The following FOXN3 variants were observed in gnomAD, a reference collection of about 807,000 sequenced individuals.
FOXN3 encodes the protein forkhead box protein N3.
Under a neutral mutation model 38.4 loss-of-function variants are expected in FOXN3, and 7 were observed. That is an observed-to-expected ratio of 0.18 (90% CI 0.10 to 0.34). The LOEUF is 0.34. FOXN3 is among the 10% of genes least tolerant of loss of function. The probability of loss-of-function intolerance (pLI) is 1.00; values close to 1 mark genes in which losing one functional copy is unlikely to be tolerated. For synonymous variants in FOXN3, 230 were observed against 242.2 expected (o/e 0.95, Z 0.47); for missense variants, 456 against 613.4 (o/e 0.74, Z 2.71).
intron 4 of FOXN3, among the ~76,000 whole-genome samples, chr14:89,243,789 A>G (rs1885209484): frequency 2.0e-5 from 3 of 152,194 alleles, no homozygotes; most frequent in South Asian, 2.1e-4. Context: ...TCCACAACCT[A>G]TGGAAGTGAG....
intron 3 of FOXN3, among the ~76,000 whole-genome samples, chr14:89,337,752 CCT>C (rs886667202): frequency 6.6e-6 from 1 of 152,112 alleles, no homozygotes; most frequent in Admixed American, 6.5e-5. Context: ...GCCTCAGCCT[CCT>C]GAGTAGCTGG....
intron 1 of FOXN3, among the ~76,000 whole-genome samples, chr14:89,567,187 C>T (rs10146908): frequency 0.3 from 46,318 of 152,020 alleles, 7,441 homozygotes; most frequent in East Asian, 0.46. Flanking sequence ...ACCACAAAAC[C>T]CTTCATCTGC....
chr14:89,353,593 C>T (rs554214466), intron 2 of FOXN3: 8 of 152,350 alleles, frequency 5.3e-5, no homozygotes, highest in African/African-American at 1.9e-4. Context: ...ACTACTGGGA[C>T]TTCTCCCTTG....
chr14:89,192,845 C>T (rs943192542), intron 4 of FOXN3, among the ~76,000 whole-genome samples: 1 of 147,416 alleles, frequency 6.8e-6, no homozygotes, highest in African/African-American at 2.5e-5. Flanking sequence ...TATATAAAAC[C>T]ATTCAGCTAA....
intron 3 of FOXN3, among the ~76,000 whole-genome samples, chr14:89,347,842 C>T (rs1042290041): frequency 5.3e-5 from 8 of 152,098 alleles, no homozygotes; most frequent in African/African-American, 1.9e-4. Context: ...GTCCCAGCTA[C>T]TCTCAGGCGG....
chr14:89,203,023 C>G (rs753451481), intron 4 of FOXN3, among the ~76,000 whole-genome samples: 32 of 128,146 alleles, frequency 2.5e-4, no homozygotes, highest in Non-Finnish European at 4.4e-4. Flanking sequence ...CACCATTTCC[C>G]TTTTTTAAAC....
chr14:89,551,300 A>T (rs941162378), intron 1 of FOXN3, among the ~76,000 whole-genome samples: 1 of 152,134 alleles, frequency 6.6e-6, no homozygotes, highest in African/African-American at 2.4e-5. Flanking sequence ...TCTGGGGTTA[A>T]TTTCCTTGAT....
At chr14:89,288,720 CTCTCTATA>C (rs1886752898) in intron 3 of FOXN3, among the ~76,000 whole-genome samples, 6 of 37,376 alleles carry the variant, frequency 1.6e-4, no homozygotes, top group African/African-American at 5.3e-4. Context: ...CTCTCTCTCT[CTCTCTATA>C]TATATATATA....
At chr14:89,413,503 A>G (rs1173551737) in intron 1 of FOXN3, among the ~76,000 whole-genome samples, 1 of 151,888 alleles carries the variant, frequency 6.6e-6, no homozygotes, top group Non-Finnish European at 1.5e-5. Context: ...GCATGGTGGC[A>G]TGTGCCTGTA....
In FOXN3 at chr14:89,167,670, A is replaced by G. The variant is rs555421353; in HGVS notation, c.852-4701T>C. Among the ~76,000 whole-genome samples, 4 of 152,322 alleles carry G rather than the reference A, an allele frequency of 2.6e-5. No individual in the cohort carries two copies. The South Asian group carries it at 6.2e-4, about 24-fold the overall frequency. On this transcript the variant is annotated intron_variant, in intron 5 of 5. Coordinates refer to ENST00000557258, the MANE Select transcript of FOXN3 (RefSeq NM_005197.4). ...TTCTGACTATAATATAAAAGATCCT[A>G]GATCAAGTACAGTAACTTGTTTTAA...
chr14:89,200,689 G>A (rs760989409), intron 4 of FOXN3, among the ~76,000 whole-genome samples: 5 of 152,206 alleles, frequency 3.3e-5, no homozygotes, highest in South Asian at 2.1e-4. Flanking sequence ...CCTCAGCAGC[G>A]AGGTCTGCGT....
intron 1 of FOXN3, among the ~76,000 whole-genome samples, chr14:89,571,934 A>G (rs1298415081): frequency 6.6e-6 from 1 of 152,202 alleles, no homozygotes; most frequent in Non-Finnish European, 1.5e-5. Flanking sequence ...CAACCTTAGG[A>G]GTCTTATGGT....
At chr14:89,496,810 G>A (rs1893693131) in intron 1 of FOXN3, among the ~76,000 whole-genome samples, 1 of 152,032 alleles carries the variant, frequency 6.6e-6, no homozygotes, top group South Asian at 2.1e-4. Flanking sequence ...CCAGCCCTTG[G>A]TAGCCTTCAT....
At chr14:89,346,610 A>G in intron 3 of FOXN3, among the ~76,000 whole-genome samples, 1 of 152,152 alleles carries the variant, frequency 6.6e-6, no homozygotes, top group African/African-American at 2.4e-5. Flanking sequence ...TATCAACATC[A>G]CATCACTGAG....
upstream of FOXN3, chr14:89,419,217 G>A (rs1273184094): frequency 4.4e-6 from 2 of 456,078 alleles, no homozygotes; most frequent in Middle Eastern, 6.5e-4. Context: ...GACCAGCCCT[G>A]CCTGATGTGG....
intron 4 of FOXN3, among the ~76,000 whole-genome samples, chr14:89,213,053 T>C (rs554430683): frequency 2.0e-5 from 3 of 152,168 alleles, no homozygotes; most frequent in Non-Finnish European, 4.4e-5. Flanking sequence ...AGAGATACCA[T>C]CTGGGCATGC....
chr14:89,616,280 CTGGAAATATT>C (rs1411709161), intron 1 of FOXN3, among the ~76,000 whole-genome samples: 1 of 152,016 alleles, frequency 6.6e-6, no homozygotes, highest in Admixed American at 6.6e-5. Flanking sequence ...TACCAAGATA[CTGGAAATATT>C]TGCAATTTTG....
At position 89,416,987 on chromosome 14, in the gene FOXN3, G is replaced by C. The variant is rs896024725; in HGVS notation, c.-131C>G. ...GTGGCCCCGCTAAGGACGCGCGGGCGCGGCGCGGCGAGCCCGGGGCGGCGG... is the reference window on the plus strand; with the variant it reads ...GTGGCCCCGCTAAGGACGCGCGGGCCCGGCGCGGCGAGCCCGGGGCGGCGG... On this transcript the variant is annotated 5_prime_UTR_variant, in exon 1 of 6. Transcript: ENST00000557258. 1 of 146,718 alleles carries C rather than the reference G, an allele frequency of 6.8e-6. No homozygotes were observed. The highest frequency in any genetic ancestry group is 2.5e-5 in the African/African-American group (1 of 40,784). 9.1% of individuals were successfully genotyped at this position (146,718 alleles called of 1,614,324 possible). A position where few individuals can be genotyped will look rare whatever the true frequency, so the allele number is the denominator to read the frequency against.
At chr14:89,442,278 C>T (rs1892403026) in intron 1 of FOXN3, among the ~76,000 whole-genome samples, 1 of 152,158 alleles carries the variant, frequency 6.6e-6, no homozygotes, top group Admixed American at 6.6e-5. Flanking sequence ...TCCAACCTTC[C>T]CTTCCCTTTT....
Sources: gnomAD v4.1 joint callset for allele counts (sites outside exome capture counted in the v4.1 genomes callset) on GRCh38, gnomAD v4.1.1 for gene constraint, MANE v1.5 for transcripts, NCBI Gene and HGNC (gene_info 2026-07-23, HGNC 2026-07-21) for gene names.